The following GPHN variants were observed in gnomAD, a reference collection of about 807,000 sequenced individuals.
GPHN encodes gephyrin.
In GPHN, 17 loss-of-function variants were observed where a neutral mutation model predicts 95.5. That is an observed-to-expected ratio of 0.18 (90% CI 0.12 to 0.27). The LOEUF is 0.27. Among genes scored for constraint, GPHN ranks in the 10% least tolerant of loss-of-function variants. GPHN has a pLI of 1.00. For synonymous variants in GPHN, 320 were observed against 322.5 expected, an observed-to-expected ratio of 0.99 and a Z score of 0.08; for missense variants, 660 against 978.1, an observed-to-expected ratio of 0.67 and a Z score of 4.34.
the GPHN span, among the ~76,000 whole-genome samples, chr14:67,309,785 G>A: frequency 2.4e-4 from 37 of 152,260 alleles, no homozygotes; most frequent in Admixed American, 4.6e-4. Context: ...TGCGGCATGA[G>A]AATTCATCAT....
At chr14:66,844,644 A>G (rs2062242500) in intron 4 of GPHN, among the ~76,000 whole-genome samples, 1 of 152,192 alleles carries the variant, frequency 6.6e-6, no homozygotes, top group African/African-American at 2.4e-5. Flanking sequence ...TTTTAATAAT[A>G]TAGATAAAAT....
chr14:67,526,201 C>T, the GPHN span, among the ~76,000 whole-genome samples: 1 of 152,252 alleles, frequency 6.6e-6, no homozygotes, highest in Non-Finnish European at 1.5e-5. Context: ...CCCCAGAGCT[C>T]ACTTCTACAT....
chr14:66,857,045 G>A (rs1333074931), intron 4 of GPHN, among the ~76,000 whole-genome samples: 1 of 151,896 alleles, frequency 6.6e-6, no homozygotes, highest in African/African-American at 2.4e-5. Context: ...ACAGAAAAAA[G>A]AAAAAGATAG....
rs536958934 is a variant in GPHN at position 67,026,634 on chromosome 14, TTTTTGTTTGTTTG to T, written c.1006+2968_1006+2980del. ...ACCTTGATTTTATAGCCCACATTTT[TTTTTGTTTGTTTG>T]TTTTGTTTTGTTTTTGAGACGGAGT... On this transcript the variant is annotated intron_variant, in intron 10 of 22. Coordinates refer to ENST00000478722, the MANE Select transcript of GPHN (RefSeq NM_020806.5). Among the ~76,000 whole-genome samples the T allele has an allele frequency of 1.4e-4, 21 of 152,232 alleles. No homozygotes were observed. The South Asian group carries it at 3.5e-3, about 26-fold the overall frequency.
At position 67,036,111 on chromosome 14, in the gene GPHN, C is replaced by T. The variant is rs144395231; in HGVS notation, c.1006+12436C>T. ...AATGTAATGTATCACATTAACAGAA[C>T]ATGGAATGAAAATCACATGATCATC... is the stretch of plus-strand genomic sequence containing the variant. On this transcript the variant is annotated intron_variant, in intron 10 of 22. Transcript: ENST00000478722. Among the ~76,000 whole-genome samples the T allele has an allele frequency of 3.4e-4, 51 of 151,836 alleles. No homozygotes were observed. The East Asian group carries it at 5.2e-3, about 16-fold the overall frequency.
chr14:66,893,671 G>A (rs1487618470), intron 5 of GPHN, among the ~76,000 whole-genome samples: 1 of 152,122 alleles, frequency 6.6e-6, no homozygotes, highest in Non-Finnish European at 1.5e-5. Flanking sequence ...AAAGTCTTAG[G>A]ATACAAAATC....
At chr14:67,261,322 T>C in the GPHN span, among the ~76,000 whole-genome samples, 1 of 152,016 alleles carries the variant, frequency 6.6e-6, no homozygotes. Flanking sequence ...GAAAAACCCA[T>C]GCAAGAGATA....
intron 3 of GPHN, among the ~76,000 whole-genome samples, chr14:66,794,582 G>C (rs2060092611): frequency 6.6e-6 from 1 of 152,076 alleles, no homozygotes; most frequent in Admixed American, 6.5e-5. Flanking sequence ...TCTATAAAAA[G>C]GTGCTTCCCT....
In GPHN at chr14:66,845,166, A is replaced by G. The variant is rs77684770; in HGVS notation, c.294+20600A>G. Among the ~76,000 whole-genome samples, 131 of 152,304 alleles carry G rather than the reference A, an allele frequency of 8.6e-4. 3 individuals are homozygous for G. The highest frequency in any genetic ancestry group is 3.1e-3 in the African/African-American group (128 of 41,574). On this transcript the variant is annotated intron_variant, in intron 4 of 22. Transcript: ENST00000478722. ...TTGTTTTCAGCTTTTAGCTTTTACA[A>G]ATAATGCTCCTACAAACATTGGCAT...
At chr14:67,057,666 CT>C (rs1394855025) in intron 10 of GPHN, among the ~76,000 whole-genome samples, 8 of 152,154 alleles carry the variant, frequency 5.3e-5, no homozygotes, top group African/African-American at 1.7e-4. Context: ...CTTTCTCCTT[CT>C]TTTCTTGCTT....
At chr14:66,900,372 G>GCACAAATTCAT (rs1472234107) in intron 5 of GPHN, among the ~76,000 whole-genome samples, 1 of 151,138 alleles carries the variant, frequency 6.6e-6, no homozygotes, top group African/African-American at 2.4e-5. Context: ...CACTGATTTA[G>GCACAAATTCAT]GTGCATTCCA....
chr14:67,635,335 C>A, the GPHN span, among the ~76,000 whole-genome samples: 3 of 152,166 alleles, frequency 2.0e-5, no homozygotes, highest in African/African-American at 7.2e-5. Flanking sequence ...TGGTAGTAAC[C>A]AAATGAGTTT....
At chr14:67,342,557 C>CTTTTTTTTTTTTTTTTTT in the GPHN span, among the ~76,000 whole-genome samples, 1 of 136,990 alleles carries the variant, frequency 7.3e-6, no homozygotes. Flanking sequence ...ACGAATTATC[C>CTTTTTTTTTTTTTTTTTT]TTTTTTTTTT....
At chr14:67,116,674 T>C (rs2078714242) in intron 16 of GPHN, among the ~76,000 whole-genome samples, 1 of 152,208 alleles carries the variant, frequency 6.6e-6, no homozygotes, top group Non-Finnish European at 1.5e-5. Context: ...TATGCTACCA[T>C]AGCCACTTCA....
the GPHN span, chr14:67,412,046 A>G: frequency 1.3e-6 from 2 of 1,555,710 alleles, no homozygotes; most frequent in Non-Finnish European, 1.7e-6. Context: ...CTCCTTGAGC[A>G]CGCCGTCCTC....
At chr14:67,333,155 A>G in the GPHN span, 3 of 456,826 alleles carry the variant, frequency 6.6e-6, no homozygotes, top group Non-Finnish European at 1.2e-5. Flanking sequence ...TTCTCTATAC[A>G]TGGCTTTAGC....
chr14:67,365,460 T>C, the GPHN span, among the ~76,000 whole-genome samples: 7 of 152,244 alleles, frequency 4.6e-5, no homozygotes, highest in Non-Finnish European at 8.8e-5. Context: ...AAAAGCAATA[T>C]ACTATGCGTG....
At chr14:67,493,872 G>C in the GPHN span, among the ~76,000 whole-genome samples, 1 of 152,028 alleles carries the variant, frequency 6.6e-6, no homozygotes, top group Non-Finnish European at 1.5e-5. Flanking sequence ...GCTCACACAT[G>C]TAATAAACTT....
At chr14:67,099,561 CAAG>C (rs1436082161) in intron 12 of GPHN, among the ~76,000 whole-genome samples, 4 of 146,756 alleles carry the variant, frequency 2.7e-5, no homozygotes, top group African/African-American at 7.7e-5. Flanking sequence ...AAAAAAAACA[CAAG>C]AAAGGCAAGA....
Sources: allele counts gnomAD v4.1 joint callset (sites outside exome capture counted in the v4.1 genomes callset), GRCh38; gene constraint gnomAD v4.1.1; transcripts MANE v1.5; gene names NCBI Gene and HGNC (gene_info 2026-07-23, HGNC 2026-07-21).